The following PITPNC1 variants were observed in gnomAD, a reference collection of about 807,000 sequenced individuals.
PITPNC1 encodes cytoplasmic phosphatidylinositol transfer protein 1.
A neutral mutation model predicts 44.7 loss-of-function variants in PITPNC1; 18 were observed. The observed-to-expected ratio is 0.40, with a 90% CI of 0.28 to 0.60. PITPNC1 has a LOEUF of 0.60. PITPNC1 is among the 20% of genes least tolerant of loss of function. The pLI, the probability that PITPNC1 is intolerant of heterozygous loss-of-function variation, is 0.39. For missense variants in PITPNC1, 290 were observed against 418.4 expected (o/e 0.69, Z 2.68); for synonymous variants, 141 against 149.6 (o/e 0.94, Z 0.42).
At chr17:67,399,826 G>C (rs1485492856) in intron 1 of PITPNC1, among the ~76,000 whole-genome samples, 2 of 152,174 alleles carry the variant, frequency 1.3e-5, no homozygotes, top group African/African-American at 4.8e-5. Context: ...CCTGTAAGTT[G>C]CCCGGAGTTG....
At chr17:67,539,746 G>A (rs1038221966) in intron 2 of PITPNC1, among the ~76,000 whole-genome samples, 5 of 152,142 alleles carry the variant, frequency 3.3e-5, no homozygotes, top group African/African-American at 1.2e-4. Context: ...GCTGAGGCAG[G>A]AGAATGGCGT....
chr17:67,423,340 T>C (rs958641201), intron 1 of PITPNC1, among the ~76,000 whole-genome samples: 2 of 152,190 alleles, frequency 1.3e-5, no homozygotes, highest in African/African-American at 4.8e-5. Context: ...GGAGAAATAC[T>C]CTCCATTGCC....
chr17:67,674,182 CTTAAG>C (rs753850074), intron 7 of PITPNC1, among the ~76,000 whole-genome samples: 4 of 151,856 alleles, frequency 2.6e-5, no homozygotes, highest in East Asian at 1.9e-4. Flanking sequence ...CAATTACACT[CTTAAG>C]TTATTTTAAA....
At chr17:67,685,611 G>C (rs1033984472) in intron 8 of PITPNC1, among the ~76,000 whole-genome samples, 1 of 152,096 alleles carries the variant, frequency 6.6e-6, no homozygotes, top group Non-Finnish European at 1.5e-5. Context: ...CACTTTGTTC[G>C]GCATACCATC....
At chr17:67,677,160 G>A (rs1479170560) in intron 8 of PITPNC1, among the ~76,000 whole-genome samples, 1 of 152,164 alleles carries the variant, frequency 6.6e-6, no homozygotes, top group East Asian at 1.9e-4. Context: ...GAAAGGATAA[G>A]AACTTCTGGT....
At chr17:67,446,970 A>G (rs909955234) in intron 1 of PITPNC1, among the ~76,000 whole-genome samples, 1 of 151,382 alleles carries the variant, frequency 6.6e-6, no homozygotes, top group Admixed American at 6.6e-5. Flanking sequence ...GGCACCTGTA[A>G]TCGCAGCTAC....
At chr17:67,481,513 A>AT (rs1159716133) in intron 1 of PITPNC1, among the ~76,000 whole-genome samples, 1 of 152,058 alleles carries the variant, frequency 6.6e-6, no homozygotes, top group Non-Finnish European at 1.5e-5. Flanking sequence ...TGATTTTCAA[A>AT]TTTTTTTTAG....
intron 1 of PITPNC1, among the ~76,000 whole-genome samples, chr17:67,482,057 C>T (rs1457927537): frequency 6.6e-6 from 1 of 151,998 alleles, no homozygotes; most frequent in African/African-American, 2.4e-5. Context: ...GCGTGACCTC[C>T]CCTTACAACA....
intron 1 of PITPNC1, among the ~76,000 whole-genome samples, chr17:67,507,335 G>T (rs543063706): frequency 6.6e-6 from 1 of 152,110 alleles, no homozygotes; most frequent in Non-Finnish European, 1.5e-5. Flanking sequence ...GAGGAGTTCA[G>T]ATGTTGCTGT....
chr17:67,631,053 G>GTTATTATTATTA (rs56142240), intron 5 of PITPNC1, among the ~76,000 whole-genome samples: 26 of 127,756 alleles, frequency 2.0e-4, no homozygotes, highest in African/African-American at 3.1e-4. Context: ...TGTTGTTGTT[G>GTTATTATTATTA]TTATTATTAT....
At chr17:67,392,547 A>C in intron 1 of PITPNC1, among the ~76,000 whole-genome samples, 1 of 152,170 alleles carries the variant, frequency 6.6e-6, no homozygotes, top group East Asian at 1.9e-4. Context: ...CTTGGCTAAA[A>C]TAAATATTTT....
rs568187701 is a variant in PITPNC1 at position 67,446,203 on chromosome 17, C to T, written c.48+68001C>T. On this transcript the variant is annotated intron_variant, in intron 1 of 8. Coordinates refer to ENST00000581322, the MANE Select transcript of PITPNC1 (RefSeq NM_012417.4). ...TTCATGATCCACCCGCCTCGGCCTC[C>T]CAAAGTGCTAGGATTACAGGCGTGA... Among the ~76,000 whole-genome samples the T allele has an allele frequency of 3.1e-3, 464 of 151,994 alleles. 8 individuals carry two copies. The highest frequency in any genetic ancestry group is 5.3e-3 in the Non-Finnish European group (362 of 67,924).
At chr17:67,630,648 A>G (rs2041954160) in intron 5 of PITPNC1, among the ~76,000 whole-genome samples, 1 of 152,162 alleles carries the variant, frequency 6.6e-6, no homozygotes, top group Non-Finnish European at 1.5e-5. Context: ...AAGGATGATT[A>G]TCCCTTTAGA....
intron 4 of PITPNC1, among the ~76,000 whole-genome samples, chr17:67,575,874 C>CCATTT (rs777390217): frequency 5.4e-5 from 1 of 18,536 alleles, no homozygotes; most frequent in Non-Finnish European, 1.3e-4. Flanking sequence ...TTCTTTCTTT[C>CCATTT]TTTCCTTTTT....
chr17:67,677,713 C>T (rs1198360316), intron 8 of PITPNC1, among the ~76,000 whole-genome samples: 1 of 151,916 alleles, frequency 6.6e-6, no homozygotes, highest in Non-Finnish European at 1.5e-5. Flanking sequence ...GGATTACAGG[C>T]TCCCACCACC....
intron 5 of PITPNC1, chr17:67,613,428 T>C (rs2041714731): frequency 6.6e-6 from 1 of 152,192 alleles, no homozygotes; most frequent in African/African-American, 2.4e-5. Flanking sequence ...CATTTTATTA[T>C]AGATGTTCAC....
intron 4 of PITPNC1, among the ~76,000 whole-genome samples, chr17:67,554,069 TG>T (rs1444717324): frequency 6.6e-6 from 1 of 152,146 alleles, no homozygotes; most frequent in Non-Finnish European, 1.5e-5. Context: ...AACAGAGATC[TG>T]GGTTGGGCAG....
In PITPNC1 at chr17:67,692,938, T is replaced by TTG. The variant is rs576096667; in HGVS notation, c.*51_*52insGT. ...TTTATATTTTCATTTGTTGTTGTTG[T>TTG]TTTTTTTTAAGAATCTTCTGATAGA... On this transcript the variant is annotated 3_prime_UTR_variant, in exon 9 of 9. Transcript: ENST00000581322. 1.5e-5 allele frequency: 17 copies of TTG among 1,124,772 alleles called. No individual in the cohort carries two copies. The highest frequency in any genetic ancestry group is 8.7e-5 in the African/African-American group (5 of 57,702). 69.7% of individuals were successfully genotyped at this position (1,124,772 alleles called of 1,614,324 possible).
chr17:67,451,621 A>G (rs1357338026), intron 1 of PITPNC1, among the ~76,000 whole-genome samples: 1 of 150,506 alleles, frequency 6.6e-6, no homozygotes, highest in East Asian at 1.9e-4. Flanking sequence ...TAGTCCTTTG[A>G]GACTGACCTT....
Sources: allele counts gnomAD v4.1 joint callset (sites outside exome capture counted in the v4.1 genomes callset), GRCh38; gene constraint gnomAD v4.1.1; transcripts MANE v1.5; gene names NCBI Gene and HGNC (gene_info 2026-07-23, HGNC 2026-07-21).